SNTG1: variants seen among roughly 807,000 people sequenced by gnomAD.
The protein encoded by SNTG1 is syntrophin gamma 1.
In SNTG1, 39 loss-of-function variants were observed where a neutral mutation model predicts 74.7. The observed-to-expected ratio is 0.52, with a 90% confidence interval of 0.40 to 0.68. The LOEUF (loss-of-function observed/expected upper bound fraction) is 0.68, where lower values mean the gene tolerates loss of function less well. Among genes scored for constraint, SNTG1 ranks in the 30% least tolerant of loss-of-function variants. The probability of loss-of-function intolerance (pLI) is 0.00; values close to 1 mark genes in which losing one functional copy is unlikely to be tolerated. For synonymous variants in SNTG1, 254 were observed against 217.1 expected (o/e 1.17, Z -1.49); for missense variants, 685 against 609.5 (o/e 1.12, Z -1.30).
intron 8 of SNTG1, among the ~76,000 whole-genome samples, chr8:50,451,074 T>G (rs1219345621): frequency 2.0e-5 from 3 of 152,182 alleles, no homozygotes; most frequent in Non-Finnish European, 4.4e-5. Flanking sequence ...ACCATACATT[T>G]ATGCCTGTAG....
intron 11 of SNTG1, among the ~76,000 whole-genome samples, chr8:50,543,457 T>TTGTTGTTGC (rs1165339429): frequency 6.6e-6 from 1 of 151,766 alleles, no homozygotes; most frequent in Non-Finnish European, 1.5e-5. Flanking sequence ...GTTGTTGTTG[T>TTGTTGTTGC]TGTTGCTGTT....
chr8:50,081,866 C>T (rs1475009143), intron 1 of SNTG1, among the ~76,000 whole-genome samples: 8 of 152,104 alleles, frequency 5.3e-5, no homozygotes, highest in South Asian at 2.1e-4. Context: ...CTCTTGACCT[C>T]GAGATCCACT....
chr8:50,693,765 T>C (rs1017855780), intron 15 of SNTG1, among the ~76,000 whole-genome samples: 3 of 152,170 alleles, frequency 2.0e-5, no homozygotes, highest in African/African-American at 7.2e-5. Flanking sequence ...AAGTACTTTT[T>C]CAACCTCAAT....
At chr8:50,342,411 G>C (rs2091343430) in intron 2 of SNTG1, among the ~76,000 whole-genome samples, 1 of 152,100 alleles carries the variant, frequency 6.6e-6, no homozygotes, top group East Asian at 1.9e-4. Flanking sequence ...ACGTTTTAAA[G>C]ACAAGAAATG....
At chr8:50,313,450 T>G (rs996611004) in intron 2 of SNTG1, among the ~76,000 whole-genome samples, 1 of 149,570 alleles carries the variant, frequency 6.7e-6, no homozygotes, top group African/African-American at 2.5e-5. Flanking sequence ...ATGGCAGGAA[T>G]TCAACTCCAT....
At chr8:50,090,627 A>G (rs534783319) in intron 1 of SNTG1, among the ~76,000 whole-genome samples, 1 of 152,228 alleles carries the variant, frequency 6.6e-6, no homozygotes, top group South Asian at 2.1e-4. Flanking sequence ...CTGTACACTA[A>G]CTTTGGAACC....
intron 1 of SNTG1, among the ~76,000 whole-genome samples, chr8:50,028,065 C>T (rs1469728327): frequency 6.6e-6 from 1 of 152,114 alleles, no homozygotes. Context: ...GAAACCACCA[C>T]TGGCATCAAT....
At chr8:49,971,462 A>G (rs987499683) in intron 1 of SNTG1, among the ~76,000 whole-genome samples, 4 of 152,038 alleles carry the variant, frequency 2.6e-5, no homozygotes, top group African/African-American at 9.7e-5. Flanking sequence ...GGCACAAGAC[A>G]GATGCCCTCC....
At chr8:50,312,563 C>A (rs12541382) in intron 2 of SNTG1, among the ~76,000 whole-genome samples, 92,503 of 149,412 alleles carry the variant, frequency 0.62, 32,251 homozygotes, top group East Asian at 0.94. Flanking sequence ...TGGAAAAAGT[C>A]AGTCTTTCAC....
At chr8:50,146,801 T>C (rs1435160184) in intron 1 of SNTG1, among the ~76,000 whole-genome samples, 4 of 152,212 alleles carry the variant, frequency 2.6e-5, no homozygotes, top group African/African-American at 9.6e-5. Context: ...TATATTATTA[T>C]TTGCCATTAA....
chr8:50,395,506 G>GGTTTTTTTTTTTTTTTTTTTTTT lies in SNTG1; in HGVS notation c.27+1241_27+1242insGTTTTTTTTTTTTTTTTTTTTTT, dbSNP rs58030144. On this transcript the variant is annotated intron_variant, in intron 3 of 18. Coordinates refer to ENST00000642720, the MANE Select transcript of SNTG1 (RefSeq NM_018967.5). ...TTTAAATTTTAATTGTCTAATTTCT[G>GGTTTTTTTTTTTTTTTTTTTTTT]TTTTTTTTTTTTTTTTTAATGGAGT... 1.5e-5 allele frequency among the ~76,000 whole-genome samples: 2 copies of GGTTTTTTTTTTTTTTTTTTTTTT among 135,656 alleles called. 1 individual carries two copies. Among genetic ancestry groups the GGTTTTTTTTTTTTTTTTTTTTTT allele is most frequent in the Non-Finnish European group, 3.1e-5 (2 of 64,850 alleles). The allele number at this position is 135,656 out of a possible 152,430, so 89.0% of individuals were successfully genotyped here. A position where few individuals can be genotyped will look rare whatever the true frequency, so the allele number is the denominator to read the frequency against.
chr8:50,683,157 C>T (rs1430046473), intron 15 of SNTG1, among the ~76,000 whole-genome samples: 3 of 152,192 alleles, frequency 2.0e-5, no homozygotes, highest in African/African-American at 7.2e-5. Context: ...TGGCACACAG[C>T]AGGCTTGCAA....
chr8:50,145,313 TATATAGCTAGATGGA>T (rs2081819403), intron 1 of SNTG1, among the ~76,000 whole-genome samples: 1 of 152,164 alleles, frequency 6.6e-6, no homozygotes, highest in Non-Finnish European at 1.5e-5. Flanking sequence ...TATACAAATA[TATATAGCTAGATGGA>T]ATTATAGACT....
At chr8:50,257,994 C>A (rs1456486828) in intron 2 of SNTG1, among the ~76,000 whole-genome samples, 1 of 152,186 alleles carries the variant, frequency 6.6e-6, no homozygotes, top group Non-Finnish European at 1.5e-5. Flanking sequence ...TCTGGAAAAG[C>A]CACATCCATT....
At chr8:50,398,328 C>G (rs1383421456) in intron 3 of SNTG1, among the ~76,000 whole-genome samples, 1 of 152,220 alleles carries the variant, frequency 6.6e-6, no homozygotes, top group African/African-American at 2.4e-5. Flanking sequence ...TGGTCCTCTC[C>G]AGACATCTCT....
intron 2 of SNTG1, among the ~76,000 whole-genome samples, chr8:50,341,239 T>C (rs989175451): frequency 6.6e-6 from 1 of 151,934 alleles, no homozygotes; most frequent in Non-Finnish European, 1.5e-5. Context: ...TTTTGGAACA[T>C]TGATACATAG....
intron 12 of SNTG1, among the ~76,000 whole-genome samples, chr8:50,584,364 T>C (rs2094632995): frequency 6.6e-6 from 1 of 151,866 alleles, no homozygotes; most frequent in Non-Finnish European, 1.5e-5. Context: ...ATGGTTGAAC[T>C]AGTTTACCGT....
At position 50,504,168 on chromosome 8, in the gene SNTG1, C is replaced by A. The variant is rs1168855337; in HGVS notation, c.466+1288C>A. ...CATCCATCCATGTCCCTGCAGTGGA[C>A]ATGATCTCGTTCTTTTTTATGGTGA... On this transcript the variant is annotated intron_variant, in intron 9 of 18. Coordinates refer to ENST00000642720, the MANE Select transcript of SNTG1 (RefSeq NM_018967.5). Among the ~76,000 whole-genome samples the A allele has an allele frequency of 2.6e-5, 4 of 152,108 alleles. No individual in the cohort carries two copies. In the East Asian group the frequency reaches 7.7e-4, roughly 29 times the overall value.
At chr8:50,254,808 G>A (rs185341689) in intron 2 of SNTG1, among the ~76,000 whole-genome samples, 1 of 149,904 alleles carries the variant, frequency 6.7e-6, no homozygotes, top group African/African-American at 2.5e-5. Flanking sequence ...ATTGAGCCAC[G>A]AGCCACTGCA....
Sources: gnomAD v4.1 joint callset for allele counts (sites outside exome capture counted in the v4.1 genomes callset) on GRCh38, gnomAD v4.1.1 for gene constraint, MANE v1.5 for transcripts, NCBI Gene and HGNC (gene_info 2026-07-23, HGNC 2026-07-21) for gene names.